UGT1A8: variants seen among roughly 807,000 people sequenced by gnomAD.
The protein encoded by UGT1A8 is UDP glucuronosyltransferase family 1 member A8.
A neutral mutation model predicts 45.3 loss-of-function variants in UGT1A8; 39 were observed. That is an observed-to-expected ratio of 0.86 (90% CI 0.67 to 1.12). UGT1A8 has a LOEUF of 1.12. Ranked by LOEUF, UGT1A8 falls within the 50% of genes most tolerant of loss-of-function variation. The pLI is 0.00. For missense variants in UGT1A8, 719 were observed against 664.9 expected, an observed-to-expected ratio of 1.08 and a Z score of -0.90; for synonymous variants, 275 against 249.2, an observed-to-expected ratio of 1.10 and a Z score of -0.97.
intron 1 of UGT1A8, among the ~76,000 whole-genome samples, chr2:233,631,537 G>A (rs1360574214): frequency 2.0e-5 from 3 of 152,108 alleles, no homozygotes; most frequent in African/African-American, 7.2e-5. Flanking sequence ...ATTCTAACTG[G>A]CATGAGATGG....
rs541728418 is a variant in UGT1A8, at chr2:233,673,104, C to T, written c.855+54542C>T. On this transcript the variant is annotated intron_variant, in intron 1 of 4. Transcript: ENST00000373450. Reference sequence around the variant, plus strand: ...CCCTTTTTTGTTAATTCTATATGCCCGCCCCAGAGGAAATGGTCTTAGTTT... The same window carrying T: ...CCCTTTTTTGTTAATTCTATATGCCTGCCCCAGAGGAAATGGTCTTAGTTT... Among the ~76,000 whole-genome samples, 19 of 152,122 alleles carry T rather than the reference C, an allele frequency of 1.2e-4. No homozygotes were observed. In the East Asian group the frequency reaches 2.3e-3, roughly 19 times the overall value.
At position 233,769,501 on chromosome 2, in the gene UGT1A8, A is replaced by G. The variant is rs773053251; in HGVS notation, c.1295+1062A>G. 30 of 1,612,628 alleles carry G rather than the reference A, an allele frequency of 1.9e-5. No homozygotes were observed. In the Admixed American group the frequency reaches 4.8e-4, roughly 26 times the overall value. ...TGTGCGTGTGTTTATGAGAGTGTCCATTGCTTTCTCCCATGGTTACCTCCT... is the reference window on the plus strand; with the variant it reads ...TGTGCGTGTGTTTATGAGAGTGTCCGTTGCTTTCTCCCATGGTTACCTCCT... On this transcript the variant is annotated intron_variant, in intron 4 of 4. Transcript: ENST00000373450. This position sits in a 1 kb window ranked among gnomAD's most constrained non-coding sequence, Gnocchi z 4.4.
intron 1 of UGT1A8, among the ~76,000 whole-genome samples, chr2:233,629,254 A>G (rs181094396): frequency 1.2e-4 from 19 of 152,286 alleles, no homozygotes; most frequent in African/African-American, 4.1e-4. Context: ...ACTCTGCACA[A>G]TGCCCTTAAG....
intron 1 of UGT1A8, chr2:233,760,508 A>T (rs983416663): frequency 5.0e-6 from 8 of 1,614,272 alleles, no homozygotes; most frequent in Non-Finnish European, 6.8e-6. Flanking sequence ...GGAGCATTTT[A>T]CACCTTGAAG....
intron 1 of UGT1A8, among the ~76,000 whole-genome samples, chr2:233,736,572 C>T (rs1006388510): frequency 1.3e-5 from 2 of 152,202 alleles, no homozygotes; most frequent in Non-Finnish European, 2.9e-5. Flanking sequence ...GAGCTGTGAT[C>T]CTTTGGAGGA....
At chr2:233,729,141 C>G (rs751723491) in intron 1 of UGT1A8, 1 of 1,613,390 alleles carries the variant, frequency 6.2e-7, no homozygotes, top group South Asian at 1.1e-5. Flanking sequence ...CCACAGGACT[C>G]CAGGTTCCCC....
At chr2:233,684,707 T>G (rs903109945) in intron 1 of UGT1A8, among the ~76,000 whole-genome samples, 2 of 152,002 alleles carry the variant, frequency 1.3e-5, no homozygotes, top group Non-Finnish European at 2.9e-5. Context: ...GGTTATGTAT[T>G]AATGTATATA....
intron 1 of UGT1A8, chr2:233,713,329 G>GA: frequency 6.2e-7 from 1 of 1,614,226 alleles, no homozygotes; most frequent in Non-Finnish European, 8.5e-7. Flanking sequence ...TTTTCTAGAA[G>GA]AATGGCAATT....
intron 1 of UGT1A8, among the ~76,000 whole-genome samples, chr2:233,624,375 C>T (rs1369259266): frequency 6.6e-6 from 1 of 152,106 alleles, no homozygotes; most frequent in African/African-American, 2.4e-5. Context: ...GTTTGCCTGA[C>T]ATTTTTATCA....
chr2:233,628,144 G>T (rs924953610), intron 1 of UGT1A8, among the ~76,000 whole-genome samples: 2 of 151,952 alleles, frequency 1.3e-5, no homozygotes, highest in Non-Finnish European at 2.9e-5. Context: ...TTTCTTTCCT[G>T]TGCTAATGAT....
intron 1 of UGT1A8, chr2:233,761,175 A>G (rs1340390077): frequency 1.2e-6 from 2 of 1,614,094 alleles, no homozygotes; most frequent in African/African-American, 2.7e-5. Flanking sequence ...TGGGACTTTT[A>G]CATGCGTATA....
At chr2:233,690,895 A>T (rs2075020121) in intron 1 of UGT1A8, 1 of 1,035,548 alleles carries the variant, frequency 9.7e-7, no homozygotes, top group African/African-American at 1.7e-5. Context: ...AAGGGATGGT[A>T]TGCATAGTGA....
At chr2:233,672,023 T>C in intron 1 of UGT1A8, 2 of 1,614,136 alleles carry the variant, frequency 1.2e-6, no homozygotes, top group South Asian at 1.1e-5. Flanking sequence ...AAGCTACTGG[T>C]AGTGCCCATG....
At chr2:233,742,513 G>A (rs934347498) in intron 1 of UGT1A8, among the ~76,000 whole-genome samples, 9 of 151,822 alleles carry the variant, frequency 5.9e-5, no homozygotes, top group Non-Finnish European at 1.2e-4. Flanking sequence ...TCATGAACAC[G>A]TCACAGTGCT....
intron 1 of UGT1A8, among the ~76,000 whole-genome samples, chr2:233,766,324 C>T (rs1363274147): frequency 2.0e-5 from 3 of 152,132 alleles, no homozygotes; most frequent in East Asian, 1.9e-4. Context: ...AGCCAAACTC[C>T]GCGTTGTTCT....
intron 1 of UGT1A8, among the ~76,000 whole-genome samples, chr2:233,661,768 C>T (rs1428124685): frequency 6.7e-6 from 1 of 149,860 alleles, no homozygotes; most frequent in African/African-American, 2.5e-5. Flanking sequence ...TGGTACATAT[C>T]AAGCAATTCA....
chr2:233,689,862 A>T, intron 1 of UGT1A8: 1 of 456,210 alleles, frequency 2.2e-6, no homozygotes, highest in Non-Finnish European at 4.4e-6. Context: ...GGCTACTATT[A>T]CCTTCTTGCT....
At chr2:233,763,105 T>C (rs1443643010) in intron 1 of UGT1A8, among the ~76,000 whole-genome samples, 1 of 152,254 alleles carries the variant, frequency 6.6e-6, no homozygotes, top group Non-Finnish European at 1.5e-5. Context: ...GGCACCGAAC[T>C]TTATCAGCTG....
chr2:233,701,917 A>C (rs1244253479), intron 1 of UGT1A8, among the ~76,000 whole-genome samples: 3 of 152,188 alleles, frequency 2.0e-5, no homozygotes, highest in South Asian at 2.1e-4. Flanking sequence ...TGACACCCTA[A>C]CATCACAATT....
Sources: gnomAD v4.1 joint callset for allele counts (sites outside exome capture counted in the v4.1 genomes callset) on GRCh38, gnomAD v4.1.1 for gene constraint, Gnocchi (gnomAD v3.1) non-coding constraint, MANE v1.5 for transcripts, NCBI Gene and HGNC (gene_info 2026-07-23, HGNC 2026-07-21) for gene names.